Variants in SIPA1L1 observed in about 807,000 individuals in gnomAD.
SIPA1L1 encodes signal-induced proliferation-associated 1-like protein 1.
A neutral mutation model predicts 162.7 loss-of-function variants in SIPA1L1; 26 were observed. The observed-to-expected ratio is 0.16, with a 90% CI of 0.12 to 0.22. SIPA1L1 has a LOEUF of 0.22. Ranked by LOEUF, SIPA1L1 falls within the 10% of genes least tolerant of loss-of-function variation. SIPA1L1 has a pLI of 1.00. For synonymous variants in SIPA1L1, 829 were observed against 837.4 expected (o/e 0.99, Z 0.17); for missense variants, 1,874 against 2,241.0 (o/e 0.84, Z 3.31).
intron 2 of SIPA1L1, among the ~76,000 whole-genome samples, chr14:71,476,266 G>A (rs898926897): frequency 2.6e-5 from 4 of 152,212 alleles, no homozygotes; most frequent in Non-Finnish European, 4.4e-5. Flanking sequence ...GGATGACTCC[G>A]AGTTCATGCA....
chr14:71,683,313 G>T (rs1596947233), intron 12 of SIPA1L1, among the ~76,000 whole-genome samples: 1 of 152,192 alleles, frequency 6.6e-6, no homozygotes, highest in Non-Finnish European at 1.5e-5. Flanking sequence ...ACATGTGCTG[G>T]TTCCTAGCAG....
intron 7 of SIPA1L1, among the ~76,000 whole-genome samples, chr14:71,637,760 A>G (rs568200283): frequency 2.0e-5 from 3 of 152,176 alleles, no homozygotes; most frequent in Non-Finnish European, 1.5e-5. Flanking sequence ...ATTTTTAGGT[A>G]GAGGGAAAAA....
intron 2 of SIPA1L1, among the ~76,000 whole-genome samples, chr14:71,504,142 T>C (rs1239342944): frequency 6.6e-6 from 1 of 152,170 alleles, no homozygotes; most frequent in Non-Finnish European, 1.5e-5. Context: ...TATTCTTGTC[T>C]CTGATCTTGT....
At chr14:71,543,890 T>C (rs1216000978) in intron 4 of SIPA1L1, among the ~76,000 whole-genome samples, 1 of 113,542 alleles carries the variant, frequency 8.8e-6, no homozygotes, top group African/African-American at 3.3e-5. Flanking sequence ...TATACATATA[T>C]CATACGTATA....
chr14:71,458,590 A>G (rs1317152686), intron 2 of SIPA1L1, among the ~76,000 whole-genome samples: 1 of 152,178 alleles, frequency 6.6e-6, no homozygotes, highest in Non-Finnish European at 1.5e-5. Context: ...ATATAATAAG[A>G]AGTGGAAGTA....
At chr14:71,678,570 G>A (rs1159296717) in intron 12 of SIPA1L1, among the ~76,000 whole-genome samples, 2 of 152,154 alleles carry the variant, frequency 1.3e-5, no homozygotes, top group Non-Finnish European at 2.9e-5. Flanking sequence ...TTTTTGCACT[G>A]ATGTTCATCA....
intron 2 of SIPA1L1, among the ~76,000 whole-genome samples, chr14:71,378,759 TTTA>T (rs1434157481): frequency 6.6e-6 from 1 of 152,224 alleles, no homozygotes; most frequent in African/African-American, 2.4e-5. Flanking sequence ...TTGTCCTTTT[TTTA>T]TTATGTCTGT....
At chr14:71,626,517 A>G (rs949944263) in intron 7 of SIPA1L1, among the ~76,000 whole-genome samples, 1 of 152,184 alleles carries the variant, frequency 6.6e-6, no homozygotes, top group Non-Finnish European at 1.5e-5. Context: ...AATGCCTTGG[A>G]ATTATTTTGA....
intron 10 of SIPA1L1, among the ~76,000 whole-genome samples, chr14:71,663,800 CAT>C (rs1247118819): frequency 6.6e-6 from 1 of 152,202 alleles, no homozygotes; most frequent in Non-Finnish European, 1.5e-5. Flanking sequence ...CTGCTCAAGA[CAT>C]GTGGGCAGGT....
chr14:71,495,062 G>A (rs2049627809), intron 2 of SIPA1L1, among the ~76,000 whole-genome samples: 1 of 152,144 alleles, frequency 6.6e-6, no homozygotes, highest in Non-Finnish European at 1.5e-5. Flanking sequence ...ATTTTTGTTT[G>A]TAAATTCTTG....
intron 22 of SIPA1L1, 52 bp from the exon 23 acceptor site, chr14:71,738,189 A>G (rs2085482250): frequency 3.1e-6 from 3 of 960,522 alleles, no homozygotes; most frequent in Non-Finnish European, 4.6e-6. Flanking sequence ...AAAAAAAACA[A>G]ACCCAGCCAT....
At chr14:71,534,819 A>G (rs369631017) in intron 4 of SIPA1L1, among the ~76,000 whole-genome samples, 4 of 152,304 alleles carry the variant, frequency 2.6e-5, no homozygotes, top group African/African-American at 9.6e-5. Context: ...CTGCATGTGT[A>G]TAGAGTCTGT....
chr14:71,421,941 C>A (rs555041986), intron 2 of SIPA1L1, among the ~76,000 whole-genome samples: 1 of 152,148 alleles, frequency 6.6e-6, no homozygotes, highest in Non-Finnish European at 1.5e-5. Context: ...ATTATTGTTG[C>A]TGAACTTTAT....
chr14:71,641,402 A>G (rs2041700091), intron 7 of SIPA1L1, among the ~76,000 whole-genome samples: 1 of 152,216 alleles, frequency 6.6e-6, no homozygotes, highest in South Asian at 2.1e-4. Context: ...CAAGACTGTT[A>G]AACATTTGCT....
intron 2 of SIPA1L1, among the ~76,000 whole-genome samples, chr14:71,422,522 T>G (rs1317856491): frequency 6.6e-6 from 1 of 152,210 alleles, no homozygotes; most frequent in Non-Finnish European, 1.5e-5. Flanking sequence ...TTCTGCTTTC[T>G]GTCTCAATGA....
intron 2 of SIPA1L1, among the ~76,000 whole-genome samples, chr14:71,394,506 T>C (rs148259105): frequency 4.7e-4 from 72 of 152,354 alleles, no homozygotes; most frequent in Non-Finnish European, 8.8e-4. Flanking sequence ...TTGAGAAATG[T>C]CTCTGGTGTG....
At chr14:71,557,871 A>G (rs1314693852) in intron 4 of SIPA1L1, among the ~76,000 whole-genome samples, 1 of 152,214 alleles carries the variant, frequency 6.6e-6, no homozygotes, top group African/African-American at 2.4e-5. Context: ...TTTTTTAGAA[A>G]TATATAAATC....
intron 16 of SIPA1L1, among the ~76,000 whole-genome samples, 164 bp from the exon 17 acceptor site, chr14:71,709,058 G>A (rs191426088): frequency 4.6e-4 from 69 of 151,556 alleles, no homozygotes; most frequent in African/African-American, 1.6e-3. Flanking sequence ...ACTTCTGAAT[G>A]GACCATAGTG....
At chr14:71,537,325 C>G (rs1408476382) in intron 4 of SIPA1L1, among the ~76,000 whole-genome samples, 1 of 152,164 alleles carries the variant, frequency 6.6e-6, no homozygotes, top group East Asian at 1.9e-4. Flanking sequence ...CTCCACCTCT[C>G]AAGTAGCTGG....
Sources: allele counts gnomAD v4.1 joint callset (sites outside exome capture counted in the v4.1 genomes callset), GRCh38; gene constraint gnomAD v4.1.1; transcripts MANE v1.5; gene names NCBI Gene and HGNC (gene_info 2026-07-23, HGNC 2026-07-21).